DYNC1I1: variants seen among roughly 807,000 people sequenced by gnomAD.
The protein encoded by DYNC1I1 is cytoplasmic dynein 1 intermediate chain 1.
DYNC1I1 carries 43 observed loss-of-function variants against 86.6 expected under a neutral mutation model. The ratio of observed to expected loss-of-function variants is 0.50; its 90% CI spans 0.39 to 0.64. DYNC1I1 has a LOEUF of 0.64. DYNC1I1 is among the 30% of genes least tolerant of loss of function. DYNC1I1 has a pLI of 0.00. For synonymous variants in DYNC1I1, 262 were observed against 283.7 expected, an observed-to-expected ratio of 0.92 and a Z score of 0.77; for missense variants, 604 against 788.8, an observed-to-expected ratio of 0.77 and a Z score of 2.81.
intron 14 of DYNC1I1, among the ~76,000 whole-genome samples, chr7:96,069,560 T>C (rs1790100991): frequency 6.6e-6 from 1 of 152,224 alleles, no homozygotes; most frequent in East Asian, 1.9e-4. Context: ...AGATTTGTGC[T>C]ATTAAAACGC....
intron 14 of DYNC1I1, among the ~76,000 whole-genome samples, chr7:96,061,902 C>A (rs1451703123): frequency 6.6e-6 from 1 of 152,152 alleles, no homozygotes; most frequent in Non-Finnish European, 1.5e-5. Flanking sequence ...GCAGTTCACC[C>A]ATTTAAACCC....
chr7:95,866,564 T>C (rs1010294924), intron 5 of DYNC1I1, among the ~76,000 whole-genome samples: 1 of 152,124 alleles, frequency 6.6e-6, no homozygotes, highest in South Asian at 2.1e-4. Context: ...AATTGGAATA[T>C]GAGATAAAAT....
chr7:96,102,624 G>A (rs1021183836), downstream of DYNC1I1, among the ~76,000 whole-genome samples: 3 of 152,104 alleles, frequency 2.0e-5, no homozygotes, highest in African/African-American at 2.4e-5. Flanking sequence ...CACAACTTTG[G>A]GTGAGGCTCA....
intron 15 of DYNC1I1, among the ~76,000 whole-genome samples, chr7:96,079,683 G>T (rs767935830): frequency 1.6e-4 from 24 of 152,060 alleles, no homozygotes; most frequent in Non-Finnish European, 1.9e-4. Context: ...ATTCTATCAC[G>T]ATGTCACCCT....
chr7:96,075,873 C>T (rs553515945), intron 14 of DYNC1I1, among the ~76,000 whole-genome samples, 184 bp from the exon 15 acceptor site: 1 of 152,248 alleles, frequency 6.6e-6, no homozygotes, highest in East Asian at 1.9e-4. Context: ...CCTCTCCCCC[C>T]GGTATTTATT....
intron 6 of DYNC1I1, among the ~76,000 whole-genome samples, chr7:95,942,025 G>C (rs1792239223): frequency 6.6e-6 from 1 of 152,154 alleles, no homozygotes; most frequent in Non-Finnish European, 1.5e-5. Context: ...TAAAAGCAGA[G>C]CAGAACTGAA....
intron 1 of DYNC1I1, among the ~76,000 whole-genome samples, chr7:95,799,144 C>G (rs1315027086): frequency 2.0e-5 from 3 of 152,002 alleles, no homozygotes; most frequent in Non-Finnish European, 2.9e-5. Context: ...AGCGAAGGCC[C>G]AGGTAGGAGG....
chr7:95,942,077 C>A (rs1289100569), intron 6 of DYNC1I1, among the ~76,000 whole-genome samples: 1 of 152,068 alleles, frequency 6.6e-6, no homozygotes, highest in Non-Finnish European at 1.5e-5. Flanking sequence ...ATTAATGAAT[C>A]CAGGAGCTGG....
chr7:95,906,116 A>C (rs1415931378), intron 6 of DYNC1I1, among the ~76,000 whole-genome samples: 1 of 152,200 alleles, frequency 6.6e-6, no homozygotes, highest in Non-Finnish European at 1.5e-5. Context: ...TTCAGTCAGT[A>C]GCCCTTTTCA....
At chr7:96,101,311 ACTGTTAC>A (rs1358492618), downstream of DYNC1I1, among the ~76,000 whole-genome samples, 2 of 152,188 alleles carry the variant, frequency 1.3e-5, no homozygotes, top group Non-Finnish European at 2.9e-5. Context: ...GAGACTGAAG[ACTGTTAC>A]CTCAATAAAA....
intron 14 of DYNC1I1, among the ~76,000 whole-genome samples, chr7:96,047,590 A>C (rs1304741148): frequency 6.6e-6 from 1 of 152,184 alleles, no homozygotes; most frequent in African/African-American, 2.4e-5. Context: ...CTGGAGACAG[A>C]TTGTGAGTGG....
intron 14 of DYNC1I1, among the ~76,000 whole-genome samples, chr7:96,042,963 C>T (rs756750456): frequency 2.6e-5 from 4 of 151,828 alleles, no homozygotes; most frequent in Non-Finnish European, 5.9e-5. Context: ...AGATCGAGAC[C>T]ATCCTGCCCA....
At chr7:96,077,420 T>G (rs369412051) in intron 15 of DYNC1I1, among the ~76,000 whole-genome samples, 32 of 152,312 alleles carry the variant, frequency 2.1e-4, no homozygotes, top group African/African-American at 5.8e-4. Context: ...CTACAAGAAT[T>G]CTGTGACAAG....
At chr7:95,785,557 C>T (rs144218235) in intron 1 of DYNC1I1, among the ~76,000 whole-genome samples, 249 of 151,852 alleles carry the variant, frequency 1.6e-3, no homozygotes, top group African/African-American at 5.8e-3. Context: ...TGTACTCTGA[C>T]GGTTTTTATA....
At chr7:95,965,408 GC>G (rs1792984574) in intron 6 of DYNC1I1, among the ~76,000 whole-genome samples, 1 of 152,164 alleles carries the variant, frequency 6.6e-6, no homozygotes, top group African/African-American at 2.4e-5. Flanking sequence ...TCAAAAATCT[GC>G]CTTTGTAATT....
intron 14 of DYNC1I1, among the ~76,000 whole-genome samples, chr7:96,045,151 G>A (rs992430326): frequency 6.6e-6 from 1 of 152,186 alleles, no homozygotes; most frequent in African/African-American, 2.4e-5. Context: ...CAAAGGATTG[G>A]ATGCCCCTAT....
intron 6 of DYNC1I1, among the ~76,000 whole-genome samples, chr7:95,922,640 G>A (rs1296805486): frequency 6.6e-6 from 1 of 151,982 alleles, no homozygotes; most frequent in African/African-American, 2.4e-5. Flanking sequence ...TATATAATTA[G>A]CCAAATGGTA....
chr7:95,906,406 G>A (rs1485890779), intron 6 of DYNC1I1, among the ~76,000 whole-genome samples: 2 of 152,156 alleles, frequency 1.3e-5, no homozygotes, highest in Non-Finnish European at 2.9e-5. Context: ...GTCACAGAGT[G>A]AGAGGCTTAA....
intron 6 of DYNC1I1, among the ~76,000 whole-genome samples, chr7:95,896,875 G>A (rs1455689327): frequency 6.6e-6 from 1 of 152,186 alleles, no homozygotes; most frequent in East Asian, 1.9e-4. Context: ...TCCAACTGAA[G>A]GGCATGTTTT....
Sources: gnomAD v4.1 joint callset for allele counts (sites outside exome capture counted in the v4.1 genomes callset) on GRCh38, gnomAD v4.1.1 for gene constraint, MANE v1.5 for transcripts, NCBI Gene and HGNC (gene_info 2026-07-23, HGNC 2026-07-21) for gene names.